Variants in DCTN1 observed in about 807,000 individuals in gnomAD.
DCTN1 encodes dynactin subunit 1, also known as 150 kDa dynein-associated polypeptide.
Under a neutral mutation model 161.2 loss-of-function variants are expected in DCTN1, and 61 were observed. The ratio of observed to expected loss-of-function variants is 0.38; its 90% CI spans 0.31 to 0.47. The LOEUF (loss-of-function observed/expected upper bound fraction) is 0.47. DCTN1 is among the 20% of genes least tolerant of loss of function. The probability of loss-of-function intolerance (pLI) is 0.99; values close to 1 mark genes in which losing one functional copy is unlikely to be tolerated. For missense variants in DCTN1, 1,404 were observed against 1,623.7 expected (o/e 0.86, Z 2.33); for synonymous variants, 653 against 632.4 (o/e 1.03, Z -0.49).
chr2:74,370,966 T>A lies in DCTN1; in HGVS notation c.843+13A>T. On this transcript the variant is annotated intron_variant, in intron 9 of 31. Transcript: ENST00000628224. This position sits in a 1 kb window ranked among gnomAD's most constrained non-coding sequence, Gnocchi z 4.4. The stretch of plus-strand genomic sequence containing the variant: ...CAGGCTGCCCCAGCCACCCCCTTCA[T>A]CCAGAGTCAAACCTTTCTCGCCTCC... The A allele has an allele frequency of 6.2e-7, 1 of 1,613,644 alleles. No homozygotes were observed.
At chr2:74,384,194 A>T (rs763675845), upstream of DCTN1, among the ~76,000 whole-genome samples, 7 of 152,258 alleles carry the variant, frequency 4.6e-5, no homozygotes, top group Non-Finnish European at 8.8e-5. Flanking sequence ...CATGTACTTC[A>T]CTATCTCCTT....
intron 26 of DCTN1, 46 bp from the exon 27 acceptor site, chr2:74,363,674 G>A (rs376956739): frequency 4.3e-6 from 7 of 1,611,940 alleles, no homozygotes; most frequent in Non-Finnish European, 5.9e-6. Flanking sequence ...GAGGAGAGAG[G>A]AGTTAGGTGA....
intron 26 of DCTN1, chr2:74,364,203 A>C (rs1674233020): frequency 6.0e-6 from 1 of 166,940 alleles, no homozygotes; most frequent in Non-Finnish European, 1.3e-5. Context: ...AACTCTCTCC[A>C]AAGAACACAG....
At position 74,367,747 on chromosome 2, in the gene DCTN1, CA is replaced by C. The variant is rs760230422; in HGVS notation, c.2132del (p.Leu711ArgfsTer50). 6.2e-7 allele frequency: 1 copy of C among 1,614,166 alleles called. No homozygotes were observed. ...GAGGCTCCACATTGACAGTCTCATCCAGCTGATCCTTGTGCAGCAGTTCAAT... is the reference window on the plus strand; with the variant it reads ...GAGGCTCCACATTGACAGTCTCATCCGCTGATCCTTGTGCAGCAGTTCAAT... ...FLIELLHKDQ[L>X]DETVNVEPLT... is the part of the protein sequence containing the mutation. On this transcript the variant is annotated frameshift_variant, in exon 18 of 32. Coordinates refer to ENST00000628224, the MANE Select transcript of DCTN1 (RefSeq NM_004082.5). LOFTEE classifies it high-confidence loss of function.
rs200952455 is a variant in DCTN1, at chr2:74,370,670, G to T, written c.999C>A (p.Asp333Glu). The T allele has an allele frequency of 3.1e-6, 5 of 1,614,154 alleles. No homozygotes were observed. Among genetic ancestry groups the T allele is most frequent in the East Asian group, 2.2e-5 (1 of 44,886 alleles). Residue 333 changes from aspartate (D) to glutamate (E), a missense_variant, in exon 10 of 32, where the codon GAC (aspartate) becomes GAA (glutamate). By Grantham distance (45) the Asp-to-Glu change is conservative. Coordinates refer to ENST00000628224, the MANE Select transcript of DCTN1 (RefSeq NM_004082.5). This position sits in a 1 kb window ranked among gnomAD's most constrained non-coding sequence, Gnocchi z 4.4. The stretch of plus-strand genomic sequence containing the variant: ...GGATCTCTAAGTCAGTAGTGAGCTC[G>T]TCCACCCGCTCCTTCAGTGCCTCCA... ...QEVEALKERVDELTTDLEILK... is the reference protein window; with the variant it reads ...QEVEALKERVEELTTDLEILK...
rs2103659798 is a variant in DCTN1, at chr2:74,370,660, T to C, written c.1009A>G (p.Thr337Ala). The C allele has an allele frequency of 1.9e-6, 3 of 1,614,170 alleles. No individual in the cohort carries two copies. Among genetic ancestry groups the C allele is most frequent in the Non-Finnish European group, 2.5e-6 (3 of 1,180,030 alleles). ...ALKERVDELTTDLEILKAEIE... is the reference protein window; with the variant it reads ...ALKERVDELTADLEILKAEIE... ...TCAGCCTTGAGGATCTCTAAGTCAG[T>C]AGTGAGCTCGTCCACCCGCTCCTTC... Residue 337 changes from threonine to alanine, a missense_variant, in exon 10 of 32, where the codon ACT becomes GCT. By Grantham distance (58) the Thr-to-Ala change is moderately conservative. Transcript: ENST00000628224. This position sits in a 1 kb window ranked among gnomAD's most constrained non-coding sequence, Gnocchi z 4.4.
In DCTN1 at chr2:74,368,884, T is replaced by C. The variant is rs558029475; in HGVS notation, c.1702-4A>G. 5 of 1,614,140 alleles carry C rather than the reference T, an allele frequency of 3.1e-6. No individual in the cohort carries two copies. Among genetic ancestry groups the C allele is most frequent in the Non-Finnish European group, 4.2e-6 (5 of 1,180,054 alleles). ...GCCTCAATTCCATCTCAATTGCCTG[T>C]GAGGTGAACAGGGAGGAGGACTCTT... On this transcript the variant is annotated splice_polypyrimidine_tract_variant and splice_region_variant and intron_variant, in intron 15 of 31. Coordinates refer to ENST00000628224, the MANE Select transcript of DCTN1 (RefSeq NM_004082.5).
At chr2:74,387,512 A>C (rs73951204) in intron 1 of DCTN1, among the ~76,000 whole-genome samples, 83 of 152,298 alleles carry the variant, frequency 5.4e-4, no homozygotes, top group African/African-American at 1.3e-3. Flanking sequence ...AACAAACAAA[A>C]AAAAGTTCTT....
intron 23 of DCTN1, 60 bp downstream of exon 23, chr2:74,366,184 A>T: frequency 6.2e-7 from 1 of 1,612,552 alleles, no homozygotes; most frequent in Non-Finnish European, 8.5e-7. Flanking sequence ...AACTAGCAGT[A>T]GCTCTGCAAG....
rs555818188 is a variant in DCTN1, at chr2:74,362,138, C to T, written c.3613G>A (p.Glu1205Lys). ...TGAGATACTGTCTCCTTGAGGACCT[C>T]ATCCTAGGGAAGGGGAGAGGAAGAC... The part of the protein sequence containing the change: ...LSDTVEKLKD[E>K]VLKETVSQRP... The change falls in exon 31 of 32, where the codon GAG becomes AAG. Residue 1205 changes from glutamate to lysine, a missense_variant. Around this residue, in one of 9 missense-constraint regions of DCTN1, gnomAD observed 311 missense variants for 298.9 expected, o/e 1.04. Transcript: ENST00000628224. The T allele has an allele frequency of 6.2e-7, 1 of 1,613,648 alleles. No individual in the cohort carries two copies. The highest frequency in any genetic ancestry group is 8.5e-7 in the Non-Finnish European group (1 of 1,179,704).
At chr2:74,382,037 C>G (rs1372958882), upstream of DCTN1, among the ~76,000 whole-genome samples, 2 of 152,142 alleles carry the variant, frequency 1.3e-5, no homozygotes, top group African/African-American at 2.4e-5. Context: ...CTGGAAACAA[C>G]CTGACCCAGA....
In DCTN1 at chr2:74,369,188, C is replaced by A. The variant is rs1474425017; in HGVS notation, c.1611G>T (p.Gln537His). ...GTTGCCTCTCCACAGATGCTTCCTG[C>A]TGGTTTGTCAGTTCCCGATTCACAT... ...LQDVNRELTN[Q>H]QEASVERQQQ... Residue 537 changes from glutamine to histidine, a missense_variant, in exon 15 of 32, where the codon CAG becomes CAT. Physicochemically the swap from Gln to His is conservative, Grantham distance 24. Transcript: ENST00000628224. The surrounding 1 kb of genome is among the most constrained non-coding windows in gnomAD (Gnocchi z 4.9). 1.2e-6 allele frequency: 2 copies of A among 1,614,254 alleles called. No homozygotes were observed. Among genetic ancestry groups the A allele is most frequent in the East Asian group, 2.2e-5 (1 of 44,890 alleles).
In DCTN1 at chr2:74,366,441, C is replaced by A. The variant is rs770747593; in HGVS notation, c.2628+18G>T. 1.2e-6 allele frequency: 2 copies of A among 1,614,236 alleles called. No individual in the cohort carries two copies. Among genetic ancestry groups the A allele is most frequent in the African/African-American group, 1.3e-5 (1 of 75,052 alleles). The stretch of plus-strand genomic sequence containing the variant: ...CACTAACTCTCCCCACACCTTCTAC[C>A]CAGCCATCCAGGCCCACCTGCTCGC... On this transcript the variant is annotated intron_variant, in intron 22 of 31. Transcript: ENST00000628224.
At chr2:74,380,474 G>A (rs781322348), upstream of DCTN1, 13 of 476,280 alleles carry the variant, frequency 2.7e-5, no homozygotes, top group African/African-American at 1.8e-4. Context: ...GTCTTGACAC[G>A]TCCTCCTAGT....
chr2:74,386,000 A>C (rs1394192968), intron 1 of DCTN1, among the ~76,000 whole-genome samples: 1 of 152,166 alleles, frequency 6.6e-6, no homozygotes, highest in Non-Finnish European at 1.5e-5. Flanking sequence ...AGATGACACA[A>C]TCTCAGCCCA....
Position 74,376,586 on chromosome 2 carries a change from T to C in DCTN1, c.414+156A>G, listed in dbSNP as rs915458651. On this transcript the variant is annotated intron_variant, in intron 5 of 31. Coordinates refer to ENST00000628224, the MANE Select transcript of DCTN1 (RefSeq NM_004082.5). The stretch of plus-strand genomic sequence containing the variant: ...CACTGAGCCTGATGTTCTTGCACCC[T>C]TCAAAGGAACTCTGAAAGCCAAGGC... 6.6e-5 allele frequency among the ~76,000 whole-genome samples: 10 copies of C among 152,202 alleles called. No homozygotes were observed. The East Asian group carries it at 1.7e-3, about 26-fold the overall frequency.
At chr2:74,365,436 T>G (rs1674334119) in intron 25 of DCTN1, 79 bp downstream of exon 25, 3 of 1,605,260 alleles carry the variant, frequency 1.9e-6, no homozygotes, top group African/African-American at 2.7e-5. Flanking sequence ...AGAACCTGAG[T>G]AGGGGTATGG....
At chr2:74,368,209 G>A (rs1341444252) in intron 16 of DCTN1, 78 bp from the exon 17 acceptor site, 3 of 1,533,178 alleles carry the variant, frequency 2.0e-6, no homozygotes, top group Non-Finnish European at 2.6e-6. Context: ...AGTACTCAGA[G>A]CTTAACTATG....
At chr2:74,361,886 C>T (rs527258120) in intron 31 of DCTN1, among the ~76,000 whole-genome samples, 166 bp downstream of exon 31, 1 of 152,292 alleles carries the variant, frequency 6.6e-6, no homozygotes, top group African/African-American at 2.4e-5. Flanking sequence ...AATTTCAAAG[C>T]ACTGTAAGCA....
Sources: gnomAD v4.1 joint callset for allele counts (sites outside exome capture counted in the v4.1 genomes callset) on GRCh38, gnomAD v4.1.1 for gene constraint, gnomAD v4.1.1 regional missense constraint, Gnocchi (gnomAD v3.1) non-coding constraint, MANE v1.5 for transcripts, NCBI Gene and HGNC (gene_info 2026-07-23, HGNC 2026-07-21) for gene names.